Variants in PTPRM observed in about 807,000 individuals in gnomAD.
PTPRM encodes the protein protein tyrosine phosphatase receptor type M.
PTPRM carries 47 observed loss-of-function variants against 186.7 expected under a neutral mutation model. The observed-to-expected ratio is 0.25, with a 90% CI of 0.20 to 0.32. The LOEUF is 0.32. Among genes scored for constraint, PTPRM ranks in the 10% least tolerant of loss-of-function variants. The probability of loss-of-function intolerance (pLI) is 1.00; values close to 1 mark genes in which losing one functional copy is unlikely to be tolerated. For missense variants in PTPRM, 1,494 were observed against 1,865.0 expected (o/e 0.80, Z 3.66); for synonymous variants, 668 against 674.9 (o/e 0.99, Z 0.16).
chr18:8,310,632 G>C (rs1289629742), intron 20 of PTPRM, among the ~76,000 whole-genome samples: 2 of 151,884 alleles, frequency 1.3e-5, no homozygotes, highest in African/African-American at 4.8e-5. Context: ...CTTCAGAGTA[G>C]GTCAGGACCC....
At chr18:7,816,098 A>G (rs1198418271) in intron 2 of PTPRM, among the ~76,000 whole-genome samples, 1 of 152,210 alleles carries the variant, frequency 6.6e-6, no homozygotes, top group Non-Finnish European at 1.5e-5. Context: ...TAGCTTTACC[A>G]AAGCCAAAGA....
chr18:8,301,454 C>G (rs1477845598), intron 20 of PTPRM, among the ~76,000 whole-genome samples: 1 of 152,192 alleles, frequency 6.6e-6, no homozygotes, highest in Non-Finnish European at 1.5e-5. Context: ...GCTAACGAGG[C>G]AGCCCCCTTG....
chr18:7,641,726 C>A (rs1303403669), intron 1 of PTPRM, among the ~76,000 whole-genome samples: 2 of 152,156 alleles, frequency 1.3e-5, no homozygotes, highest in Non-Finnish European at 2.9e-5. Flanking sequence ...TAGGCATTAA[C>A]TTTTTATGAT....
At chr18:8,133,109 A>T (rs2145964737) in intron 13 of PTPRM, among the ~76,000 whole-genome samples, 1 of 152,308 alleles carries the variant, frequency 6.6e-6, no homozygotes, top group African/African-American at 2.4e-5. Flanking sequence ...TCCTTTTATC[A>T]GAAACCCACT....
At chr18:7,775,180 G>A in intron 2 of PTPRM, among the ~76,000 whole-genome samples, 1 of 152,326 alleles carries the variant, frequency 6.6e-6, no homozygotes, top group Middle Eastern at 3.4e-3. Flanking sequence ...AGGTTTAACA[G>A]TATGATGCTC....
chr18:7,825,469 G>A (rs2045436093), intron 2 of PTPRM, among the ~76,000 whole-genome samples: 1 of 152,114 alleles, frequency 6.6e-6, no homozygotes, highest in African/African-American at 2.4e-5. Context: ...TATAATGAAG[G>A]TTTTTGAAAA....
At chr18:8,126,956 T>C (rs1186837213) in intron 13 of PTPRM, among the ~76,000 whole-genome samples, 1 of 152,016 alleles carries the variant, frequency 6.6e-6, no homozygotes, top group Non-Finnish European at 1.5e-5. Context: ...CAAGGCCAAC[T>C]GTGACCGTGT....
At chr18:7,695,657 A>T (rs2039827273) in intron 1 of PTPRM, among the ~76,000 whole-genome samples, 1 of 152,170 alleles carries the variant, frequency 6.6e-6, no homozygotes, top group Non-Finnish European at 1.5e-5. Flanking sequence ...GTTTTCATCT[A>T]CCTCAGAAGG....
At chr18:8,179,109 A>G (rs746300947) in intron 14 of PTPRM, among the ~76,000 whole-genome samples, 41 of 152,360 alleles carry the variant, frequency 2.7e-4, no homozygotes, top group Admixed American at 2.1e-3. Context: ...AAAGGAAAGC[A>G]TGCCATTCCA....
chr18:8,032,806 T>C (rs769319607), intron 7 of PTPRM, among the ~76,000 whole-genome samples: 4 of 152,076 alleles, frequency 2.6e-5, no homozygotes, highest in Non-Finnish European at 5.9e-5. Context: ...AAATGAGTTA[T>C]TTACTAACTG....
At chr18:8,171,942 C>G (rs144233805) in intron 14 of PTPRM, among the ~76,000 whole-genome samples, 1 of 152,124 alleles carries the variant, frequency 6.6e-6, no homozygotes, top group Non-Finnish European at 1.5e-5. Flanking sequence ...TCTCATTTAA[C>G]TTATTGAATA....
At chr18:8,222,815 C>T (rs1384878872) in intron 14 of PTPRM, among the ~76,000 whole-genome samples, 1 of 152,146 alleles carries the variant, frequency 6.6e-6, no homozygotes, top group Non-Finnish European at 1.5e-5. Context: ...TTGAACTGGG[C>T]ATGGTGGTTT....
At chr18:8,299,596 C>CA (rs60540859) in intron 20 of PTPRM, among the ~76,000 whole-genome samples, 83 of 142,684 alleles carry the variant, frequency 5.8e-4, no homozygotes, top group Non-Finnish European at 8.9e-4. Flanking sequence ...CTCAAAAAAA[C>CA]AAAAAAAAAG....
At chr18:7,786,185 C>T (rs1257198820) in intron 2 of PTPRM, among the ~76,000 whole-genome samples, 5 of 151,910 alleles carry the variant, frequency 3.3e-5, no homozygotes, top group African/African-American at 1.2e-4. Context: ...CTTAAGTGGT[C>T]GAAAGAGAAA....
intron 7 of PTPRM, among the ~76,000 whole-genome samples, chr18:8,067,736 C>G (rs981723698): frequency 2.6e-5 from 4 of 152,156 alleles, no homozygotes; most frequent in Non-Finnish European, 5.9e-5. Flanking sequence ...AAGAAGGGAA[C>G]TTCAACAATA....
chr18:7,896,879 C>T (rs1041076082), intron 3 of PTPRM, among the ~76,000 whole-genome samples: 1 of 152,202 alleles, frequency 6.6e-6, no homozygotes, highest in Non-Finnish European at 1.5e-5. Context: ...TATCTTTTCA[C>T]ATTTTGCTGC....
At chr18:8,201,237 A>G (rs2093851265) in intron 14 of PTPRM, among the ~76,000 whole-genome samples, 1 of 152,192 alleles carries the variant, frequency 6.6e-6, no homozygotes, top group Non-Finnish European at 1.5e-5. Flanking sequence ...AATTGCTTAA[A>G]CCTGGGAGGC....
chr18:8,286,803 C>T (rs190341841), intron 19 of PTPRM, among the ~76,000 whole-genome samples: 14 of 152,124 alleles, frequency 9.2e-5, no homozygotes, highest in East Asian at 7.7e-4. Context: ...AATAATTATA[C>T]GTTCTAAATT....
At chr18:8,243,515 G>T (rs4130758) in intron 14 of PTPRM, among the ~76,000 whole-genome samples, 58,557 of 152,014 alleles carry the variant, frequency 0.39, 12,186 homozygotes, top group Middle Eastern at 0.53. Flanking sequence ...TCTGTGTCAG[G>T]TTCTGCTCCC....
Sources: gnomAD v4.1 joint callset for allele counts (sites outside exome capture counted in the v4.1 genomes callset) on GRCh38, gnomAD v4.1.1 for gene constraint, MANE v1.5 for transcripts, NCBI Gene and HGNC (gene_info 2026-07-23, HGNC 2026-07-21) for gene names.